The following KIF26B variants were observed in gnomAD, a reference collection of about 807,000 sequenced individuals.
KIF26B encodes kinesin family member 26B.
In KIF26B, 63 loss-of-function variants were observed where a neutral mutation model predicts 151.2. The observed-to-expected ratio is 0.42, with a 90% confidence interval of 0.34 to 0.51. The LOEUF is 0.51. Among genes scored for constraint, KIF26B ranks in the 20% least tolerant of loss-of-function variants. KIF26B has a pLI of 0.07. For missense variants in KIF26B, 2,813 were observed against 2,913.6 expected (o/e 0.97, Z 0.79); for synonymous variants, 1,357 against 1,262.1 (o/e 1.08, Z -1.59).
chr1:245,393,554 C>A (rs745678715), intron 3 of KIF26B, among the ~76,000 whole-genome samples: 1 of 152,078 alleles, frequency 6.6e-6, no homozygotes, highest in African/African-American at 2.4e-5. Flanking sequence ...GGGAGTGAGA[C>A]GCAGAATAAC....
At position 245,685,833 on chromosome 1, in the gene KIF26B, G is replaced by T. The variant is rs2044506192; in HGVS notation, c.2850G>T (p.Leu950=). ...CCAGCAGCTTTCCTTTCGAAGAACTGCCTGCTCAGTTTGGGCCAGAGCAGG... is the reference window on the plus strand; with the variant it reads ...CCAGCAGCTTTCCTTTCGAAGAACTTCCTGCTCAGTTTGGGCCAGAGCAGG... ...EEPSSFPFEE[L]PAQFGPEQAS... The change falls in exon 12 of 15, where the codon CTG becomes CTT. Residue 950 remains leucine, a synonymous_variant. Transcript: ENST00000407071. 33 of 1,611,994 alleles carry T rather than the reference G, an allele frequency of 2.0e-5. No individual in the cohort carries two copies. The highest frequency in any genetic ancestry group is 2.7e-5 in the Non-Finnish European group (32 of 1,179,306).
chr1:245,192,142 A>G (rs1669120473), intron 2 of KIF26B, among the ~76,000 whole-genome samples: 1 of 152,198 alleles, frequency 6.6e-6, no homozygotes, highest in Non-Finnish European at 1.5e-5. Flanking sequence ...AAGAAGCTGC[A>G]TGTTCAGCAT....
intron 4 of KIF26B, among the ~76,000 whole-genome samples, chr1:245,423,039 G>A (rs1300593859): frequency 1.2e-4 from 18 of 151,134 alleles, no homozygotes; most frequent in Admixed American, 5.3e-4. Flanking sequence ...GTGGGGTTTC[G>A]GTGAGCCGAG....
chr1:245,638,115 T>A (rs371439132), intron 9 of KIF26B, among the ~76,000 whole-genome samples: 14 of 151,800 alleles, frequency 9.2e-5, no homozygotes, highest in Non-Finnish European at 1.9e-4. Context: ...TTTAATAATA[T>A]TAATTCTTCT....
chr1:245,307,742 CTTTTT>C (rs35577186), intron 2 of KIF26B, among the ~76,000 whole-genome samples: 1 of 132,892 alleles, frequency 7.5e-6, no homozygotes, highest in Non-Finnish European at 1.6e-5. Flanking sequence ...CTCTCTCTCT[CTTTTT>C]TTTTTTTTTT....
chr1:245,242,264 C>T (rs1017681245), intron 2 of KIF26B, among the ~76,000 whole-genome samples: 1 of 152,136 alleles, frequency 6.6e-6, no homozygotes. Flanking sequence ...TATTGAATGT[C>T]CGGCATTAGC....
Position 245,686,391 on chromosome 1 carries a change from G to GA in KIF26B, c.3414dup (p.Ser1139IlefsTer16), listed in dbSNP as rs2044520455. 1 of 1,613,410 alleles carries GA rather than the reference G, an allele frequency of 6.2e-7. No homozygotes were observed. The highest frequency in any genetic ancestry group is 1.1e-5 in the South Asian group (1 of 91,070). The stretch of plus-strand genomic sequence containing the variant: ...CGGTTGGAATGAGCCCCCAGGTTTT[G>GA]AAAAAATCCATGTCTGCTGGGAGCG... On this transcript the variant is annotated frameshift_variant, in exon 12 of 15. Coordinates refer to ENST00000407071, the MANE Select transcript of KIF26B (RefSeq NM_018012.4). LOFTEE classifies it high-confidence loss of function. This position sits in a 1 kb window ranked among gnomAD's most constrained non-coding sequence, Gnocchi z 5.6.
chr1:245,297,783 C>T (rs1671363587), intron 2 of KIF26B, among the ~76,000 whole-genome samples: 1 of 152,178 alleles, frequency 6.6e-6, no homozygotes, highest in African/African-American at 2.4e-5. Context: ...CTCCCTGAAC[C>T]CATAGCCTCG....
chr1:245,600,320 G>C (rs898134924), intron 5 of KIF26B, among the ~76,000 whole-genome samples: 1 of 144,336 alleles, frequency 6.9e-6, no homozygotes, highest in East Asian at 2.1e-4. Flanking sequence ...TTACAGGCGT[G>C]AGCCACCACG....
chr1:245,441,422 A>G (rs1044356245), intron 4 of KIF26B, among the ~76,000 whole-genome samples: 3 of 152,110 alleles, frequency 2.0e-5, no homozygotes, highest in African/African-American at 7.2e-5. Context: ...CTCAGCCACA[A>G]CTACAAAAAA....
At chr1:245,365,519 C>T (rs573063494) in intron 2 of KIF26B, among the ~76,000 whole-genome samples, 5 of 148,936 alleles carry the variant, frequency 3.4e-5, no homozygotes, top group African/African-American at 1.3e-4. Flanking sequence ...CAACTCCCCC[C>T]CACCAGCCTA....
intron 3 of KIF26B, among the ~76,000 whole-genome samples, chr1:245,418,524 C>T (rs533616766): frequency 2.6e-5 from 4 of 152,316 alleles, no homozygotes; most frequent in Admixed American, 2.6e-4. Flanking sequence ...ATGGGCTACT[C>T]TTAGGGCTCG....
In KIF26B at chr1:245,366,901, A is replaced by T; in HGVS notation, c.533A>T (p.Asn178Ile). 2 of 1,614,062 alleles carry T rather than the reference A, an allele frequency of 1.2e-6. No individual in the cohort carries two copies. The highest frequency in any genetic ancestry group is 1.6e-4 in the Middle Eastern group (1 of 6,062). The change falls in exon 3 of 15, where the codon AAC becomes ATC. Residue 178 changes from asparagine (N) to isoleucine (I), a missense_variant. Asn to Ile is a moderately radical substitution (Grantham distance 149, BLOSUM62 -3). Transcript: ENST00000407071. Reference protein sequence around the residue: ...QVPNTIRKAWNDRDNRCDICA... With the variant: ...QVPNTIRKAWIDRDNRCDICA... The stretch of plus-strand genomic sequence containing the variant: ...CCCAACACCATCCGGAAGGCATGGA[A>T]CGACCGGGACAACCGCTGTGACATT...
At chr1:245,631,464 A>C (rs2043780578) in intron 9 of KIF26B, among the ~76,000 whole-genome samples, 1 of 152,164 alleles carries the variant, frequency 6.6e-6, no homozygotes, top group South Asian at 2.1e-4. Flanking sequence ...TTGCATCCCT[A>C]GGATAAATCC....
intron 2 of KIF26B, among the ~76,000 whole-genome samples, chr1:245,163,859 A>G (rs1425167650): frequency 6.6e-6 from 1 of 152,154 alleles, no homozygotes; most frequent in Non-Finnish European, 1.5e-5. Context: ...CGCCTTATTA[A>G]ATTCTACTAT....
intron 2 of KIF26B, among the ~76,000 whole-genome samples, chr1:245,257,060 A>C (rs1165813720): frequency 3.3e-5 from 5 of 152,212 alleles, no homozygotes; most frequent in African/African-American, 1.2e-4. Context: ...CTTCATCTGC[A>C]TAATAAGAAC....
At chr1:245,357,483 T>C (rs1672724912) in intron 2 of KIF26B, among the ~76,000 whole-genome samples, 1 of 152,152 alleles carries the variant, frequency 6.6e-6, no homozygotes, top group African/African-American at 2.4e-5. Context: ...GAGCGGGGCC[T>C]TAGGATGAAT....
intron 3 of KIF26B, among the ~76,000 whole-genome samples, chr1:245,412,687 CTCTT>C (rs762752488): frequency 1.3e-4 from 20 of 152,288 alleles, no homozygotes; most frequent in African/African-American, 4.1e-4. Flanking sequence ...TTGGGATTCT[CTCTT>C]TCTTTGGGAA....
rs1329170598 is a variant in KIF26B at position 245,601,890 on chromosome 1, G to A, written c.1351-687G>A. Reference sequence around the variant, plus strand: ...TGGGTTGGTGGTGGGTACCAGAGGTGCTCAGTGTTCAATCACGCAGAAAGT... The same window carrying A: ...TGGGTTGGTGGTGGGTACCAGAGGTACTCAGTGTTCAATCACGCAGAAAGT... On this transcript the variant is annotated intron_variant, in intron 5 of 14. Coordinates refer to ENST00000407071, the MANE Select transcript of KIF26B (RefSeq NM_018012.4). The surrounding 1 kb of genome is among the most constrained non-coding windows in gnomAD (Gnocchi z 4.4). Among the ~76,000 whole-genome samples, 1 of 152,190 alleles carries A rather than the reference G, an allele frequency of 6.6e-6. No individual in the cohort carries two copies. Among genetic ancestry groups the A allele is most frequent in the African/African-American group, 2.4e-5 (1 of 41,432 alleles).
Sources: allele counts gnomAD v4.1 joint callset (sites outside exome capture counted in the v4.1 genomes callset), GRCh38; gene constraint gnomAD v4.1.1; non-coding constraint Gnocchi (gnomAD v3.1); transcripts MANE v1.5; gene names NCBI Gene and HGNC (gene_info 2026-07-23, HGNC 2026-07-21).